The following FAM120A variants were observed in gnomAD, a reference collection of about 807,000 sequenced individuals.
The protein encoded by FAM120A is constitutive coactivator of PPAR-gamma-like protein 1.
Under a neutral mutation model 109.7 loss-of-function variants are expected in FAM120A, and 15 were observed. The observed-to-expected ratio is 0.14, with a 90% CI of 0.09 to 0.21. FAM120A has a LOEUF of 0.21. FAM120A is among the 10% of genes least tolerant of loss of function. The probability of loss-of-function intolerance (pLI) is 1.00; values close to 1 mark genes in which losing one functional copy is unlikely to be tolerated. For missense variants in FAM120A, 899 were observed against 1,439.3 expected (o/e 0.62, Z 6.07); for synonymous variants, 493 against 572.8 (o/e 0.86, Z 1.99).
At chr9:93,461,821 A>G (rs1857803797) in intron 1 of FAM120A, among the ~76,000 whole-genome samples, 1 of 152,180 alleles carries the variant, frequency 6.6e-6, no homozygotes, top group Non-Finnish European at 1.5e-5. Context: ...AGCATTTTGG[A>G]TTTTTGATTT....
intron 1 of FAM120A, among the ~76,000 whole-genome samples, chr9:93,463,036 T>G (rs1389334333): frequency 1.3e-5 from 2 of 152,142 alleles, no homozygotes; most frequent in Non-Finnish European, 2.9e-5. Flanking sequence ...AACCTGGAAG[T>G]GTAATTGCTG....
chr9:93,520,199 C>G (rs1471083323), intron 7 of FAM120A, among the ~76,000 whole-genome samples: 3 of 152,082 alleles, frequency 2.0e-5, no homozygotes, highest in Non-Finnish European at 4.4e-5. Flanking sequence ...GAAAAAGATA[C>G]AACTGTGCTG....
In FAM120A at chr9:93,489,000, G is replaced by A. The variant is rs888757692; in HGVS notation, c.805-8471G>A. Among the ~76,000 whole-genome samples, 23 of 131,262 alleles carry A rather than the reference G, an allele frequency of 1.8e-4. 1 individual carries two copies. The highest frequency in any genetic ancestry group is 1.1e-3 in the South Asian group (4 of 3,694). The allele number at this position is 131,262 out of a possible 152,430, so 86.1% of individuals were successfully genotyped here. A position where few individuals can be genotyped will look rare whatever the true frequency, so the allele number is the denominator to read the frequency against. On this transcript the variant is annotated intron_variant, in intron 3 of 17. Transcript: ENST00000277165. ...TCTGTAGCAGTGATTTGAATTCCAT[G>A]TATCTGTTAAAAAAAAAAAAAAAAG...
chr9:93,562,174 A>C, intron 16 of FAM120A, 34 bp from the exon 17 acceptor site: 1 of 1,482,360 alleles, frequency 6.7e-7, no homozygotes, highest in Non-Finnish European at 9.4e-7. Context: ...TAACAGATTT[A>C]AGTGTTTACT....
chr9:93,476,151 C>G, intron 2 of FAM120A, 105 bp from the exon 3 acceptor site: 2 of 671,552 alleles, frequency 3.0e-6, no homozygotes, highest in Non-Finnish European at 5.2e-6. Flanking sequence ...TTCTCAGTTT[C>G]TGTTTGAAAG....
chr9:93,511,744 C>T (rs1013641732), intron 5 of FAM120A, among the ~76,000 whole-genome samples: 7 of 152,190 alleles, frequency 4.6e-5, no homozygotes, highest in African/African-American at 7.2e-5. Context: ...TCGACATCTT[C>T]AAAGCTATAT....
rs142957962 is a variant in FAM120A at position 93,488,115 on chromosome 9, G to A, written c.805-9356G>A. On this transcript the variant is annotated intron_variant, in intron 3 of 17. Transcript: ENST00000277165. Reference sequence around the variant, plus strand: ...CAGAGTATTCCTGGCCTTCTTGAGCGTTTGTCATTGAACACATCTGGTGGG... The same window carrying A: ...CAGAGTATTCCTGGCCTTCTTGAGCATTTGTCATTGAACACATCTGGTGGG... Among the ~76,000 whole-genome samples, 14 of 152,170 alleles carry A rather than the reference G, an allele frequency of 9.2e-5. No homozygotes were observed. The East Asian group carries it at 1.5e-3, about 17-fold the overall frequency.
At chr9:93,465,710 A>G (rs1857983550) in intron 1 of FAM120A, among the ~76,000 whole-genome samples, 1 of 152,196 alleles carries the variant, frequency 6.6e-6, no homozygotes, top group Admixed American at 6.5e-5. Flanking sequence ...GATCTAAACC[A>G]AGAAAATACC....
intron 11 of FAM120A, among the ~76,000 whole-genome samples, chr9:93,545,078 C>T (rs1313816281): frequency 6.6e-6 from 1 of 152,192 alleles, no homozygotes. Flanking sequence ...CCTTCGTCAT[C>T]TTCTCTGAGC....
chr9:93,467,246 A>AT (rs1491138709), intron 1 of FAM120A, among the ~76,000 whole-genome samples: 3 of 62,796 alleles, frequency 4.8e-5, no homozygotes, highest in Admixed American at 1.9e-4. Context: ...ATCTGCTGTC[A>AT]CCCCCCCCCC....
chr9:93,499,200 C>T (rs940242288), intron 5 of FAM120A, among the ~76,000 whole-genome samples: 2 of 151,704 alleles, frequency 1.3e-5, no homozygotes, highest in African/African-American at 4.8e-5. Context: ...TGCCTGAGGA[C>T]GTAGAAGGGC....
chr9:93,545,408 G>A (rs1469873807), intron 11 of FAM120A, among the ~76,000 whole-genome samples: 1 of 152,248 alleles, frequency 6.6e-6, no homozygotes, highest in Non-Finnish European at 1.5e-5. Flanking sequence ...GCATCCTGCT[G>A]CATTCGTAGC....
chr9:93,469,407 T>C (rs1181030411), intron 1 of FAM120A, among the ~76,000 whole-genome samples: 1 of 152,248 alleles, frequency 6.6e-6, no homozygotes, highest in East Asian at 1.9e-4. Flanking sequence ...GGTCACTTAC[T>C]GTCTCCTTTC....
intron 5 of FAM120A, among the ~76,000 whole-genome samples, chr9:93,502,565 T>TAC (rs6151079): frequency 0.051 from 7,533 of 146,722 alleles, 289 homozygotes; most frequent in African/African-American, 0.12. Flanking sequence ...GGAGGACACA[T>TAC]ACACACACAC....
At chr9:93,457,453 G>T (rs143513134) in intron 1 of FAM120A, among the ~76,000 whole-genome samples, 52 of 151,864 alleles carry the variant, frequency 3.4e-4, no homozygotes, top group African/African-American at 1.2e-3. Flanking sequence ...TTTTTTATTT[G>T]TAAGAAATCT....
At chr9:93,536,146 A>G (rs1395039578) in intron 10 of FAM120A, among the ~76,000 whole-genome samples, 1 of 152,240 alleles carries the variant, frequency 6.6e-6, no homozygotes, top group East Asian at 1.9e-4. Flanking sequence ...CAATGATTGT[A>G]TTTAGATCTT....
chr9:93,518,027 C>T (rs577187166), intron 7 of FAM120A, among the ~76,000 whole-genome samples: 1 of 152,292 alleles, frequency 6.6e-6, no homozygotes, highest in Non-Finnish European at 1.5e-5. Flanking sequence ...TCTGGAGATG[C>T]ATCTTGTTTC....
intron 3 of FAM120A, among the ~76,000 whole-genome samples, chr9:93,484,039 T>TC (rs972811802): frequency 3.0e-4 from 40 of 132,616 alleles, no homozygotes; most frequent in African/African-American, 1.2e-3. Context: ...TGTGTCTCTC[T>TC]TTTTTTTTTT....
rs370478234 is a variant in FAM120A at position 93,529,301 on chromosome 9, A to G, written c.1507-52A>G. The G allele has an allele frequency of 2.0e-5, 29 of 1,479,312 alleles. No individual in the cohort carries two copies. In the African/African-American group the frequency reaches 3.7e-4, roughly 19 times the overall value. The allele number at this position is 1,479,312 out of a possible 1,614,324, so 91.6% of individuals were successfully genotyped here. A position where few individuals can be genotyped will look rare whatever the true frequency, so the allele number is the denominator to read the frequency against. On this transcript the variant is annotated intron_variant, in intron 8 of 17. Coordinates refer to ENST00000277165, the MANE Select transcript of FAM120A (RefSeq NM_014612.5). ...CAGGCACCTACCATACTTTAAATGAATGAAAACATGACATACACTCGTTTT... is the reference window on the plus strand; with the variant it reads ...CAGGCACCTACCATACTTTAAATGAGTGAAAACATGACATACACTCGTTTT...
Sources: allele counts gnomAD v4.1 joint callset (sites outside exome capture counted in the v4.1 genomes callset), GRCh38; gene constraint gnomAD v4.1.1; transcripts MANE v1.5; gene names NCBI Gene and HGNC (gene_info 2026-07-23, HGNC 2026-07-21).